RNLS: variants seen among roughly 807,000 people sequenced by gnomAD.
RNLS encodes renalase.
A neutral mutation model predicts 39.8 loss-of-function variants in RNLS; 39 were observed. The ratio of observed to expected loss-of-function variants is 0.98; its 90% CI spans 0.76 to 1.28. RNLS has a LOEUF of 1.28. RNLS is among the 50% of genes most tolerant of loss of function. RNLS has a pLI of 0.00. For missense variants in RNLS, 410 were observed against 413.3 expected, an observed-to-expected ratio of 0.99 and a Z score of 0.07; for synonymous variants, 147 against 150.7, an observed-to-expected ratio of 0.98 and a Z score of 0.18.
At chr10:88,293,429 G>T (rs1843825051) in intron 6 of RNLS, among the ~76,000 whole-genome samples, 1 of 152,070 alleles carries the variant, frequency 6.6e-6, no homozygotes, top group Admixed American at 6.6e-5. Flanking sequence ...TCTATGCAAA[G>T]CACAAAGGTA....
the RNLS span, among the ~76,000 whole-genome samples, chr10:88,216,786 AC>A: frequency 6.6e-6 from 1 of 150,746 alleles, no homozygotes; most frequent in Non-Finnish European, 1.5e-5. Context: ...AACAACAACA[AC>A]AAAAAAACCC....
At chr10:88,530,968 T>C (rs934057295) in intron 4 of RNLS, among the ~76,000 whole-genome samples, 3 of 152,102 alleles carry the variant, frequency 2.0e-5, no homozygotes, top group African/African-American at 7.2e-5. Flanking sequence ...TTTTCAGAAA[T>C]GCACATAATT....
chr10:88,242,098 C>T, the RNLS span, among the ~76,000 whole-genome samples: 1 of 152,090 alleles, frequency 6.6e-6, no homozygotes, highest in Non-Finnish European at 1.5e-5. Context: ...TTTCTCTTAT[C>T]CCCATATCTT....
chr10:88,208,053 C>T, the RNLS span, among the ~76,000 whole-genome samples: 2 of 152,142 alleles, frequency 1.3e-5, no homozygotes, highest in Non-Finnish European at 2.9e-5. Context: ...CACAAGCTAG[C>T]AGCACATCAA....
At chr10:88,297,309 T>A (rs1564670848) in intron 6 of RNLS, among the ~76,000 whole-genome samples, 1 of 152,224 alleles carries the variant, frequency 6.6e-6, no homozygotes, top group Non-Finnish European at 1.5e-5. Flanking sequence ...GCATTTGTCA[T>A]CTTCAGAGTT....
chr10:88,239,775 C>T, the RNLS span, among the ~76,000 whole-genome samples: 1 of 152,158 alleles, frequency 6.6e-6, no homozygotes, highest in Admixed American at 6.5e-5. Context: ...TTTTGATACA[C>T]ATTCAAGTTA....
intron 5 of RNLS, among the ~76,000 whole-genome samples, chr10:88,344,473 A>G (rs1848177889): frequency 6.6e-6 from 1 of 152,108 alleles, no homozygotes; most frequent in Admixed American, 6.6e-5. Flanking sequence ...TCTTCCTGTT[A>G]TATTTTGACA....
intron 6 of RNLS, among the ~76,000 whole-genome samples, chr10:88,307,428 G>C (rs1465621859): frequency 1.3e-5 from 2 of 152,140 alleles, no homozygotes; most frequent in African/African-American, 2.4e-5. Flanking sequence ...AAACCTCACT[G>C]TCAGCCCAAA....
chr10:88,531,694 A>G (rs192692713), intron 4 of RNLS, among the ~76,000 whole-genome samples: 3 of 152,196 alleles, frequency 2.0e-5, no homozygotes, highest in Admixed American at 6.5e-5. Context: ...TCTGCCAGAA[A>G]TTCCCTTTTA....
At chr10:88,190,519 T>C in the RNLS span, among the ~76,000 whole-genome samples, 1 of 152,216 alleles carries the variant, frequency 6.6e-6, no homozygotes, top group Non-Finnish European at 1.5e-5. Flanking sequence ...GTTTTTCCTC[T>C]TCCTGTTGGT....
intron 4 of RNLS, among the ~76,000 whole-genome samples, chr10:88,548,820 T>C (rs906454595): frequency 2.6e-5 from 4 of 151,664 alleles, no homozygotes; most frequent in African/African-American, 9.7e-5. Flanking sequence ...TGAATAAATC[T>C]GTATCTTGCA....
At chr10:88,244,948 A>G in the RNLS span, among the ~76,000 whole-genome samples, 1 of 152,190 alleles carries the variant, frequency 6.6e-6, no homozygotes, top group Non-Finnish European at 1.5e-5. Context: ...AGCCTAAAAG[A>G]GACAATTTCA....
intron 4 of RNLS, among the ~76,000 whole-genome samples, chr10:88,500,101 G>A (rs973144478): frequency 2.0e-5 from 3 of 152,038 alleles, no homozygotes; most frequent in East Asian, 3.9e-4. Context: ...CAATTTTAAC[G>A]GTGTTTACTA....
At chr10:88,410,061 C>A (rs1853558991) in intron 4 of RNLS, among the ~76,000 whole-genome samples, 1 of 152,072 alleles carries the variant, frequency 6.6e-6, no homozygotes, top group South Asian at 2.1e-4. Flanking sequence ...ACTTTACTTA[C>A]AAAAGCAAGC....
chr10:88,493,149 C>T (rs1844977531), intron 4 of RNLS, among the ~76,000 whole-genome samples: 1 of 152,020 alleles, frequency 6.6e-6, no homozygotes, highest in Non-Finnish European at 1.5e-5. Context: ...ATGTGTTCTA[C>T]TTGTAAACCA....
intron 1 of RNLS, 149 bp downstream of exon 1, chr10:88,582,924 A>T: frequency 1.2e-6 from 1 of 843,044 alleles, no homozygotes. Flanking sequence ...GAGGCGCGCC[A>T]CTCGGCGCAT....
Position 88,417,982 on chromosome 10 carries a change from G to A in RNLS, c.527-55257C>T, listed in dbSNP as rs116599345. 9.8e-3 allele frequency among the ~76,000 whole-genome samples: 1,490 copies of A among 151,956 alleles called. 27 individuals carry two copies. Among genetic ancestry groups the A allele is most frequent in the African/African-American group, 0.034 (1,409 of 41,422 alleles). On this transcript the variant is annotated intron_variant, in intron 4 of 6. Transcript: ENST00000331772. ...TAGTGATCTGAAACTGATTTCTATT[G>A]ACTTTTAAAATACATAAAAATATTC...
intron 6 of RNLS, among the ~76,000 whole-genome samples, chr10:88,289,911 C>T (rs1163247767): frequency 6.6e-6 from 1 of 152,082 alleles, no homozygotes; most frequent in Non-Finnish European, 1.5e-5. Flanking sequence ...ATGACTGTCT[C>T]CTGTCATGTA....
chr10:88,496,992 CAT>C (rs974311638), intron 4 of RNLS, among the ~76,000 whole-genome samples: 12 of 151,590 alleles, frequency 7.9e-5, no homozygotes, highest in Admixed American at 7.2e-4. Context: ...CCCTGGGAAA[CAT>C]ATTAAAATGA....
Sources: gnomAD v4.1 joint callset for allele counts (sites outside exome capture counted in the v4.1 genomes callset) on GRCh38, gnomAD v4.1.1 for gene constraint, MANE v1.5 for transcripts, NCBI Gene and HGNC (gene_info 2026-07-23, HGNC 2026-07-21) for gene names.